Variants in PCDHGA8 observed in about 807,000 individuals in gnomAD.
PCDHGA8 encodes the protein protocadherin gamma subfamily A, 8.
A neutral mutation model predicts 59.2 loss-of-function variants in PCDHGA8; 45 were observed. That is an observed-to-expected ratio of 0.76 (90% CI 0.60 to 0.98). The LOEUF is 0.98. PCDHGA8 is among the 50% of genes least tolerant of loss of function. The pLI is 0.00. For synonymous variants in PCDHGA8, 531 were observed against 519.0 expected (o/e 1.02, Z -0.32); for missense variants, 1,257 against 1,196.2 (o/e 1.05, Z -0.75).
At position 141,431,110 on chromosome 5, in the gene PCDHGA8, T is replaced by G; in HGVS notation, c.2424+35873T>G. 1.2e-6 allele frequency: 2 copies of G among 1,614,168 alleles called. No individual in the cohort carries two copies. The highest frequency in any genetic ancestry group is 1.7e-6 in the Non-Finnish European group (2 of 1,180,012). On this transcript the variant is annotated intron_variant, in intron 1 of 3. Transcript: ENST00000398604. This position sits in a 1 kb window ranked among gnomAD's most constrained non-coding sequence, Gnocchi z 4.8. Reference sequence around the variant, plus strand: ...TGATGGAGGATAAAGTGAAAATATATGGAGTAGAAGTAGAAGTAAGGGACA... The same window carrying G: ...TGATGGAGGATAAAGTGAAAATATAGGGAGTAGAAGTAGAAGTAAGGGACA...
chr5:141,426,439 G>A, intron 1 of PCDHGA8: 1 of 302,400 alleles, frequency 3.3e-6, no homozygotes, highest in Non-Finnish European at 6.5e-6. Flanking sequence ...GAACCTTGCG[G>A]AGGACATGCG....
In PCDHGA8 at chr5:141,413,371, CGCGGAGT is replaced by C. The variant is rs765391000; in HGVS notation, c.2424+18135_2424+18141del. The C allele has an allele frequency of 3.7e-6, 6 of 1,613,848 alleles. No homozygotes were observed. In the African/African-American group the frequency reaches 8.0e-5, roughly 22 times the overall value. On this transcript the variant is annotated intron_variant, in intron 1 of 3. Coordinates refer to ENST00000398604, the MANE Select transcript of PCDHGA8 (RefSeq NM_032088.2). ...TCTGGCGCCCCGGGAGCTGGCGGAG[CGCGGAGT>C]CCGCATAGTCTCCAGAGGTAGGACG...
rs1425022179 is a variant in PCDHGA8 at position 141,392,939 on chromosome 5, C to T, written c.126C>T (p.Gly42=). The T allele has an allele frequency of 1.2e-6, 2 of 1,613,830 alleles. No homozygotes were observed. Among genetic ancestry groups the T allele is most frequent in the Non-Finnish European group, 1.7e-6 (2 of 1,179,910 alleles). ...RYSVPEETDK[G]SFVGNISKDL... The stretch of plus-strand genomic sequence containing the variant: ...CTGTGCCAGAAGAGACGGACAAAGG[C>T]TCCTTCGTGGGTAATATCTCCAAGG... Residue 42 remains glycine, a synonymous_variant, in exon 1 of 4, where the codon GGC becomes GGT. Coordinates refer to ENST00000398604, the MANE Select transcript of PCDHGA8 (RefSeq NM_032088.2).
intron 1 of PCDHGA8, among the ~76,000 whole-genome samples, chr5:141,443,486 A>AAAAC (rs1345310906): frequency 6.6e-6 from 1 of 152,166 alleles, no homozygotes; most frequent in Non-Finnish European, 1.5e-5. Flanking sequence ...ACCCTGTCCC[A>AAAAC]AAACAAACAA....
rs1399844519 is a variant in PCDHGA8 at position 141,477,484 on chromosome 5, A to G, written c.2425-17323A>G. 1.2e-6 allele frequency: 2 copies of G among 1,614,014 alleles called. No homozygotes were observed. The highest frequency in any genetic ancestry group is 1.7e-6 in the Non-Finnish European group (2 of 1,180,006). ...CCGACATCAATGACAACCCTCCACAATCTTCTCAATCTTCCTACGACGTTT... is the reference window on the plus strand; with the variant it reads ...CCGACATCAATGACAACCCTCCACAGTCTTCTCAATCTTCCTACGACGTTT... On this transcript the variant is annotated intron_variant, in intron 1 of 3. Coordinates refer to ENST00000398604, the MANE Select transcript of PCDHGA8 (RefSeq NM_032088.2). This position sits in a 1 kb window ranked among gnomAD's most constrained non-coding sequence, Gnocchi z 4.9.
chr5:141,490,726 AATCAGG>A lies in PCDHGA8; in HGVS notation c.2425-4080_2425-4075del. The A allele has an allele frequency of 6.2e-7, 1 of 1,614,202 alleles. No homozygotes were observed. The highest frequency in any genetic ancestry group is 8.5e-7 in the Non-Finnish European group (1 of 1,180,032). On this transcript the variant is annotated intron_variant, in intron 1 of 3. Transcript: ENST00000398604. This position sits in a 1 kb window ranked among gnomAD's most constrained non-coding sequence, Gnocchi z 5.4. Reference sequence around the variant, plus strand: ...CCGCCTCACCTACTCCATTGTAGGAAATCAGGTTCAGGGAGCCCCAGCCTCCTCCTT... The same window carrying A: ...CCGCCTCACCTACTCCATTGTAGGAATTCAGGGAGCCCCAGCCTCCTCCTT...
rs756294828 is a variant in PCDHGA8, at chr5:141,417,904, G to A, written c.2424+22667G>A. 2.5e-6 allele frequency: 4 copies of A among 1,591,934 alleles called. No homozygotes were observed. The South Asian group carries it at 3.4e-5, about 13-fold the overall frequency. On this transcript the variant is annotated intron_variant, in intron 1 of 3. Transcript: ENST00000398604. Reference sequence around the variant, plus strand: ...AGAGGCGCCGGGCCGGCCCGCGGCAGGTACTATTTCCTTTGCTGCTGCCTT... The same window carrying A: ...AGAGGCGCCGGGCCGGCCCGCGGCAAGTACTATTTCCTTTGCTGCTGCCTT...
At chr5:141,461,051 A>G (rs1238514064) in intron 1 of PCDHGA8, among the ~76,000 whole-genome samples, 1 of 151,734 alleles carries the variant, frequency 6.6e-6, no homozygotes, top group East Asian at 1.9e-4. Flanking sequence ...ATGGGGACTT[A>G]GGTTGGTTTC....
intron 1 of PCDHGA8, among the ~76,000 whole-genome samples, chr5:141,447,082 T>A (rs1259827606): frequency 6.6e-6 from 1 of 152,156 alleles, no homozygotes; most frequent in Non-Finnish European, 1.5e-5. Flanking sequence ...ATTTTTGTTG[T>A]TTAATTTTCT....
chr5:141,400,402 G>T (rs574141234), intron 1 of PCDHGA8: 2 of 1,614,056 alleles, frequency 1.2e-6, no homozygotes, highest in South Asian at 2.2e-5. Context: ...AGGAAAGACG[G>T]AGTTTAATTT....
intron 1 of PCDHGA8, chr5:141,479,325 A>C (rs2099492835): frequency 6.6e-6 from 1 of 152,648 alleles, no homozygotes; most frequent in South Asian, 2.1e-4. Context: ...AGCCAGACTC[A>C]GTGGTGTGCA....
At chr5:141,399,425 G>A (rs2093805755) in intron 1 of PCDHGA8, 1 of 1,613,990 alleles carries the variant, frequency 6.2e-7, no homozygotes. Context: ...TCCAGCATAA[G>A]CGTCATCCTA....
intron 1 of PCDHGA8, chr5:141,421,800 G>T (rs995129799): frequency 1.2e-6 from 2 of 1,613,728 alleles, no homozygotes. Flanking sequence ...ATGGGGCCAA[G>T]AATCCAGAGC....
At chr5:141,401,856 T>C (rs778189763) in intron 1 of PCDHGA8, among the ~76,000 whole-genome samples, 2 of 152,228 alleles carry the variant, frequency 1.3e-5, no homozygotes, top group Non-Finnish European at 2.9e-5. Context: ...ACTTTTAACC[T>C]TTCAGTAGTT....
chr5:141,393,937 A>G lies in PCDHGA8; in HGVS notation c.1124A>G (p.Asp375Gly), dbSNP rs751838967. 26 of 1,613,788 alleles carry G rather than the reference A, an allele frequency of 1.6e-5. 2 individuals are homozygous for G. In the South Asian group the frequency reaches 2.9e-4, roughly 18 times the overall value. The change falls in exon 1 of 4, where the codon GAC becomes GGC. Residue 375 changes from aspartate to glycine, a missense_variant. Coordinates refer to ENST00000398604, the MANE Select transcript of PCDHGA8 (RefSeq NM_032088.2). ...GCCTTCTTGAGTGTGCATGACCAAG[A>G]CTCTGGAAAGAATGGTCAAGTTGTC... ...VIAFLSVHDQDSGKNGQVVCY... is the reference protein window; with the variant it reads ...VIAFLSVHDQGSGKNGQVVCY...
chr5:141,428,856 G>A (rs1195849417), intron 1 of PCDHGA8: 4 of 143,808 alleles, frequency 2.8e-5, no homozygotes, highest in Admixed American at 1.4e-4. Flanking sequence ...ATTTTTACGG[G>A]AGACTTTTTT....
intron 1 of PCDHGA8, among the ~76,000 whole-genome samples, chr5:141,453,993 A>T (rs2098779172): frequency 6.6e-6 from 1 of 152,234 alleles, no homozygotes; most frequent in African/African-American, 2.4e-5. Flanking sequence ...CCAGTGATAA[A>T]CCCACATAAC....
chr5:141,410,628 T>G (rs758174899), intron 1 of PCDHGA8: 1 of 1,602,040 alleles, frequency 6.2e-7, no homozygotes, highest in South Asian at 1.1e-5. Context: ...TCGGTGAGTT[T>G]CTCTTTTTTG....
intron 1 of PCDHGA8, among the ~76,000 whole-genome samples, chr5:141,481,790 A>C (rs2154579313): frequency 6.6e-6 from 1 of 152,222 alleles, no homozygotes; most frequent in East Asian, 1.9e-4. Flanking sequence ...CGTCTCTACT[A>C]AAAATACAAA....
Sources: gnomAD v4.1 joint callset for allele counts (sites outside exome capture counted in the v4.1 genomes callset) on GRCh38, gnomAD v4.1.1 for gene constraint, Gnocchi (gnomAD v3.1) non-coding constraint, MANE v1.5 for transcripts, NCBI Gene and HGNC (gene_info 2026-07-23, HGNC 2026-07-21) for gene names.